MACROD1: variants seen among roughly 807,000 people sequenced by gnomAD.
MACROD1 encodes mono-ADP ribosylhydrolase 1.
Under a neutral mutation model 41.4 loss-of-function variants are expected in MACROD1, and 31 were observed. The observed-to-expected ratio is 0.75, with a 90% CI of 0.56 to 1.01. The LOEUF (loss-of-function observed/expected upper bound fraction) is 1.01. MACROD1 is among the 50% of genes least tolerant of loss of function. The pLI, the probability that MACROD1 is intolerant of heterozygous loss-of-function variation, is 0.00. For synonymous variants in MACROD1, 252 were observed against 203.4 expected (o/e 1.24, Z -2.03); for missense variants, 473 against 460.0 (o/e 1.03, Z -0.26).
Position 63,999,313 on chromosome 11 carries a change from C to T in MACROD1, c.891+18G>A, listed in dbSNP as rs1354051280. The T allele has an allele frequency of 1.3e-6, 2 of 1,556,102 alleles. No homozygotes were observed. Among genetic ancestry groups the T allele is most frequent in the East Asian group, 2.3e-5 (1 of 42,880 alleles). ...GGCCGGGATGCGGACCCCACCCTCGCCCGGGCCCAGGACTCACCTTGTCCT... is the reference window on the plus strand; with the variant it reads ...GGCCGGGATGCGGACCCCACCCTCGTCCGGGCCCAGGACTCACCTTGTCCT... On this transcript the variant is annotated intron_variant, in intron 8 of 10. Transcript: ENST00000255681.
At chr11:64,092,599 C>G (rs1332404652) in intron 3 of MACROD1, among the ~76,000 whole-genome samples, 1 of 152,252 alleles carries the variant, frequency 6.6e-6, no homozygotes, top group Non-Finnish European at 1.5e-5. Flanking sequence ...CCCGTCCACT[C>G]CCACTCTCAT....
Position 64,000,356 on chromosome 11 carries a change from C to A in MACROD1, c.548-13G>T. 1.3e-6 allele frequency: 2 copies of A among 1,541,658 alleles called. No homozygotes were observed. Among genetic ancestry groups the A allele is most frequent in the Non-Finnish European group, 1.8e-6 (2 of 1,142,280 alleles). Reference sequence around the variant, plus strand: ...ATGCAGCCGTCCACTGCGGGAAGGGCGGGCGCGACTGAGCTGGCCTGGCAA... The same window carrying A: ...ATGCAGCCGTCCACTGCGGGAAGGGAGGGCGCGACTGAGCTGGCCTGGCAA... On this transcript the variant is annotated splice_polypyrimidine_tract_variant and intron_variant, in intron 4 of 10. Coordinates refer to ENST00000255681, the MANE Select transcript of MACROD1 (RefSeq NM_014067.4).
chr11:64,097,950 C>CA (rs1425591198), intron 3 of MACROD1, among the ~76,000 whole-genome samples: 2 of 152,060 alleles, frequency 1.3e-5, no homozygotes, highest in Non-Finnish European at 2.9e-5. Flanking sequence ...GGCGGGAACC[C>CA]ACTCAGCACC....
intron 3 of MACROD1, among the ~76,000 whole-genome samples, chr11:64,068,261 T>C (rs1429047395): frequency 1.3e-5 from 2 of 152,208 alleles, no homozygotes; most frequent in Admixed American, 1.3e-4. Context: ...GTCCCAGGCA[T>C]TGGGGAGCTG....
intron 1 of MACROD1, among the ~76,000 whole-genome samples, chr11:64,156,108 C>CA (rs781677528): frequency 0.16 from 9,269 of 56,682 alleles, 625 homozygotes; most frequent in Admixed American, 0.28. Context: ...AACTCCATCT[C>CA]AAAAAAAAAA....
chr11:64,017,043 C>G (rs1353041160), intron 3 of MACROD1, among the ~76,000 whole-genome samples: 3 of 152,190 alleles, frequency 2.0e-5, no homozygotes, highest in Non-Finnish European at 4.4e-5. Flanking sequence ...CATCTCGGCT[C>G]GCTGCAACCT....
chr11:64,022,867 ATTTT>A (rs922794608), intron 3 of MACROD1, among the ~76,000 whole-genome samples: 1 of 90,762 alleles, frequency 1.1e-5, no homozygotes, highest in Admixed American at 1.3e-4. Context: ...TTCCACATGG[ATTTT>A]TTTTTTTTTT....
chr11:64,138,698 GGGA>G (rs751776741), intron 3 of MACROD1, among the ~76,000 whole-genome samples: 1 of 152,222 alleles, frequency 6.6e-6, no homozygotes, highest in Non-Finnish European at 1.5e-5. Flanking sequence ...GGCAGCAGCG[GGGA>G]GGAGGAGAGT....
chr11:64,088,165 C>T (rs889453952), intron 3 of MACROD1, among the ~76,000 whole-genome samples: 2 of 152,174 alleles, frequency 1.3e-5, no homozygotes, highest in Non-Finnish European at 2.9e-5. Context: ...AGTTGAACCC[C>T]GCAGGGACCC....
At chr11:64,053,586 G>A (rs1943732082) in intron 3 of MACROD1, among the ~76,000 whole-genome samples, 1 of 152,178 alleles carries the variant, frequency 6.6e-6, no homozygotes, top group Non-Finnish European at 1.5e-5. Flanking sequence ...GGGCCAGAGT[G>A]GGAGCAGGAA....
chr11:64,102,944 G>A (rs989019714), intron 3 of MACROD1, among the ~76,000 whole-genome samples: 3 of 152,100 alleles, frequency 2.0e-5, no homozygotes, highest in Admixed American at 1.3e-4. Flanking sequence ...GGTGGCTCAC[G>A]CCTGTAGTCC....
At chr11:64,028,483 G>A (rs73498109) in intron 3 of MACROD1, among the ~76,000 whole-genome samples, 9,984 of 152,322 alleles carry the variant, frequency 0.066, 1,093 homozygotes, top group African/African-American at 0.23. Context: ...GCAGGAGGCG[G>A]AAGGAAGGAG....
At chr11:64,040,176 T>C (rs998371368) in intron 3 of MACROD1, among the ~76,000 whole-genome samples, 1 of 152,178 alleles carries the variant, frequency 6.6e-6, no homozygotes, top group African/African-American at 2.4e-5. Context: ...GTGTCAGACA[T>C]TAGTCAGATC....
intron 3 of MACROD1, among the ~76,000 whole-genome samples, chr11:64,100,666 C>T (rs150720434): frequency 1.7e-4 from 26 of 152,306 alleles, no homozygotes; most frequent in African/African-American, 5.5e-4. Flanking sequence ...CATCATTATG[C>T]GCCCACACAA....
chr11:64,022,382 C>T (rs746810059), intron 3 of MACROD1, among the ~76,000 whole-genome samples: 1 of 152,104 alleles, frequency 6.6e-6, no homozygotes, highest in African/African-American at 2.4e-5. Flanking sequence ...CTCAGATCCC[C>T]GCCATCAGCA....
chr11:64,154,415 A>G (rs564938250), intron 1 of MACROD1, among the ~76,000 whole-genome samples: 6 of 151,836 alleles, frequency 4.0e-5, no homozygotes, highest in Non-Finnish European at 8.8e-5. Context: ...TCCAGGACTG[A>G]GCCTTCCTCA....
At position 64,036,817 on chromosome 11, in the gene MACROD1, C is replaced by G. The variant is rs1046322159; in HGVS notation, c.518-21536G>C. Reference sequence around the variant, plus strand: ...TGGGCGGGGGGCGGCGGGCACCCCCCATCCCCCAGCTCTCAAGACAAGGAG... The same window carrying G: ...TGGGCGGGGGGCGGCGGGCACCCCCGATCCCCCAGCTCTCAAGACAAGGAG... On this transcript the variant is annotated intron_variant, in intron 3 of 10. Transcript: ENST00000255681. This position sits in a 1 kb window ranked among gnomAD's most constrained non-coding sequence, Gnocchi z 5.6. Among the ~76,000 whole-genome samples the G allele has an allele frequency of 6.6e-6, 1 of 152,196 alleles. No homozygotes were observed. The highest frequency in any genetic ancestry group is 2.4e-5 in the African/African-American group (1 of 41,452).
intron 3 of MACROD1, among the ~76,000 whole-genome samples, chr11:64,069,295 A>T (rs1944062614): frequency 6.6e-6 from 1 of 152,184 alleles, no homozygotes; most frequent in African/African-American, 2.4e-5. Context: ...AGGTGCTGCC[A>T]GGCCTGGATG....
At chr11:64,147,757 A>G (rs958794147) in intron 3 of MACROD1, among the ~76,000 whole-genome samples, 2 of 86,394 alleles carry the variant, frequency 2.3e-5, no homozygotes, top group East Asian at 4.1e-4. Context: ...ATATATATAT[A>G]TTTTAGATAG....
Sources: gnomAD v4.1 joint callset for allele counts (sites outside exome capture counted in the v4.1 genomes callset) on GRCh38, gnomAD v4.1.1 for gene constraint, Gnocchi (gnomAD v3.1) non-coding constraint, MANE v1.5 for transcripts, NCBI Gene and HGNC (gene_info 2026-07-23, HGNC 2026-07-21) for gene names.